The following TIGAR variants were observed in gnomAD, a reference collection of about 807,000 sequenced individuals.
The protein encoded by TIGAR is TP53 induced glycolysis regulatory phosphatase.
TIGAR carries 7 observed loss-of-function variants against 17.9 expected under a neutral mutation model. That is an observed-to-expected ratio of 0.39 (90% CI 0.22 to 0.73). The LOEUF (loss-of-function observed/expected upper bound fraction) is 0.73, where lower values mean the gene tolerates loss of function less well. TIGAR is among the 30% of genes least tolerant of loss of function. The pLI, the probability that TIGAR is intolerant of heterozygous loss-of-function variation, is 0.42. For missense variants in TIGAR, 258 were observed against 327.4 expected, an observed-to-expected ratio of 0.79 and a Z score of 1.64; for synonymous variants, 94 against 108.6, an observed-to-expected ratio of 0.87 and a Z score of 0.84.
In TIGAR at chr12:4,327,611, A is replaced by G. The variant is rs866443225; in HGVS notation, c.33-3669A>G. On this transcript the variant is annotated intron_variant, in intron 1 of 5. Transcript: ENST00000179259. The stretch of plus-strand genomic sequence containing the variant: ...TCAAATTATGTTGTAGTTTGTGTGC[A>G]TATTAAGTTAGGTGACAGCTCCCTA... Among the ~76,000 whole-genome samples, 5 of 152,178 alleles carry G rather than the reference A, an allele frequency of 3.3e-5. No individual in the cohort carries two copies. In the South Asian group the frequency reaches 8.3e-4, roughly 25 times the overall value.
chr12:4,342,133 T>C (rs531599852), intron 3 of TIGAR, among the ~76,000 whole-genome samples: 47 of 152,232 alleles, frequency 3.1e-4, no homozygotes, highest in African/African-American at 1.1e-3. Context: ...AGAAAGGGTA[T>C]CAGTGATTGA....
intron 1 of TIGAR, among the ~76,000 whole-genome samples, chr12:4,326,258 T>G (rs1175068666): frequency 1.3e-5 from 2 of 152,242 alleles, no homozygotes; most frequent in Admixed American, 1.3e-4. Flanking sequence ...CTCTGACCTT[T>G]CAGCTCCGTT....
At chr12:4,351,957 G>A (rs1019169774) in intron 5 of TIGAR, among the ~76,000 whole-genome samples, 2 of 152,196 alleles carry the variant, frequency 1.3e-5, no homozygotes, top group Non-Finnish European at 2.9e-5. Flanking sequence ...TGTTTTATGA[G>A]TTTCTGTTGG....
chr12:4,346,618 C>T (rs536801510), intron 3 of TIGAR, among the ~76,000 whole-genome samples: 9 of 150,362 alleles, frequency 6.0e-5, no homozygotes, highest in South Asian at 2.1e-4. Flanking sequence ...GATGGGGGGA[C>T]GGGGGAGGGA....
rs563068364 is a variant in TIGAR, at chr12:4,330,198, A to G, written c.33-1082A>G. Among the ~76,000 whole-genome samples the G allele has an allele frequency of 1.1e-4, 16 of 152,308 alleles. No homozygotes were observed. The South Asian group carries it at 3.1e-3, about 30-fold the overall frequency. Reference sequence around the variant, plus strand: ...TCTGAGTAAATCAGTCCTATGTGACATTTTAATTATTATAAACTAGTGCTT... The same window carrying G: ...TCTGAGTAAATCAGTCCTATGTGACGTTTTAATTATTATAAACTAGTGCTT... On this transcript the variant is annotated intron_variant, in intron 1 of 5. Transcript: ENST00000179259.
chr12:4,348,317 C>T (rs182130844), intron 3 of TIGAR, among the ~76,000 whole-genome samples: 9 of 152,072 alleles, frequency 5.9e-5, no homozygotes, highest in African/African-American at 1.9e-4. Flanking sequence ...TTGAAAGATC[C>T]AAGAAGTGTA....
chr12:4,341,472 A>T (rs1026617886), intron 3 of TIGAR, among the ~76,000 whole-genome samples: 2 of 152,164 alleles, frequency 1.3e-5, no homozygotes, highest in African/African-American at 4.8e-5. Flanking sequence ...CGAGTAGCTT[A>T]ACTGGGAGGC....
In TIGAR at chr12:4,355,114, A is replaced by G. The variant is rs534221023; in HGVS notation, c.*2423A>G. ...CCTTTATGGGGTTTTTTTGGTGTGT[A>G]TCTTTAAGAAGACTTCTCTACCATG... On this transcript the variant is annotated 3_prime_UTR_variant, in exon 6 of 6. Transcript: ENST00000179259. 6.6e-6 allele frequency among the ~76,000 whole-genome samples: 1 copy of G among 152,252 alleles called. No homozygotes were observed. The highest frequency in any genetic ancestry group is 6.5e-5 in the Admixed American group (1 of 15,284).
In TIGAR at chr12:4,352,386, T is replaced by C. The variant is rs1257797971; in HGVS notation, c.508T>C (p.Phe170Leu). 17 of 1,614,102 alleles carry C rather than the reference T, an allele frequency of 1.1e-5. No homozygotes were observed. Among genetic ancestry groups the C allele is most frequent in the Non-Finnish European group, 1.4e-5 (16 of 1,180,042 alleles). The change falls in exon 6 of 6, where the codon TTT (phenylalanine) becomes CTT (leucine). Residue 170 changes from phenylalanine to leucine, a missense_variant. Coordinates refer to ENST00000179259, the MANE Select transcript of TIGAR (RefSeq NM_020375.3). Reference sequence around the variant, plus strand: ...TCTGGAAACTTCTTTGGCAGAGATATTTCCTTTAGGAAAAAATCACAGCTC... The same window carrying C: ...TCTGGAAACTTCTTTGGCAGAGATACTTCCTTTAGGAAAAAATCACAGCTC... Reference protein sequence around the residue: ...NCLETSLAEIFPLGKNHSSKV... With the variant: ...NCLETSLAEILPLGKNHSSKV...
chr12:4,329,431 C>T (rs552785643), intron 1 of TIGAR, among the ~76,000 whole-genome samples: 3 of 147,710 alleles, frequency 2.0e-5, no homozygotes, highest in South Asian at 2.2e-4. Flanking sequence ...CTCTGCCTCC[C>T]GGGTTTAAAC....
chr12:4,330,432 C>A (rs1163154757), intron 1 of TIGAR, among the ~76,000 whole-genome samples: 1 of 152,146 alleles, frequency 6.6e-6, no homozygotes, highest in Non-Finnish European at 1.5e-5. Context: ...TATTTGCATA[C>A]CTTATGGCCC....
At chr12:4,334,791 C>T (rs1246493423) in intron 2 of TIGAR, among the ~76,000 whole-genome samples, 1 of 152,162 alleles carries the variant, frequency 6.6e-6, no homozygotes, top group Non-Finnish European at 1.5e-5. Context: ...TGGAAGATAG[C>T]ATTCTGCAGT....
intron 3 of TIGAR, among the ~76,000 whole-genome samples, chr12:4,344,677 C>G (rs563069076): frequency 8.5e-5 from 13 of 152,240 alleles, no homozygotes; most frequent in African/African-American, 1.2e-4. Flanking sequence ...ATTCAACAGC[C>G]CTTCATGCTA....
At chr12:4,331,399 G>C (rs890946310) in intron 2 of TIGAR, 82 bp downstream of exon 2, 1 of 1,299,622 alleles carries the variant, frequency 7.7e-7, no homozygotes, top group African/African-American at 1.5e-5. Flanking sequence ...GTGGGGTGGG[G>C]TAGACTGGGG....
At position 4,353,401 on chromosome 12, in the gene TIGAR, A is replaced by C. The variant is rs753074324; in HGVS notation, c.*710A>C. ...CAAGTCAATGGAAACCAGGAAAGCC[A>C]AAAAAATGAAGAATATCCACTTGCT... On this transcript the variant is annotated 3_prime_UTR_variant, in exon 6 of 6. Transcript: ENST00000179259. The C allele has an allele frequency of 1.3e-5, 2 of 152,226 alleles. No individual in the cohort carries two copies. The highest frequency in any genetic ancestry group is 4.8e-5 in the African/African-American group (2 of 41,458). 9.4% of individuals were successfully genotyped at this position (152,226 alleles called of 1,614,324 possible). A position where few individuals can be genotyped will look rare whatever the true frequency, so the allele number is the denominator to read the frequency against.
At chr12:4,328,087 T>C (rs923891376) in intron 1 of TIGAR, among the ~76,000 whole-genome samples, 5 of 152,204 alleles carry the variant, frequency 3.3e-5, no homozygotes, top group African/African-American at 1.2e-4. Flanking sequence ...AATGACAGGT[T>C]CCCCATGTTT....
At chr12:4,343,712 T>C (rs984448824) in intron 3 of TIGAR, among the ~76,000 whole-genome samples, 27 of 152,216 alleles carry the variant, frequency 1.8e-4, no homozygotes, top group Non-Finnish European at 3.5e-4. Context: ...CCAGAATCTC[T>C]GGGACACATT....
chr12:4,353,017 T>G lies in TIGAR; in HGVS notation c.*326T>G. 1 of 261,080 alleles carries G rather than the reference T, an allele frequency of 3.8e-6. No homozygotes were observed. 16.2% of individuals were successfully genotyped at this position (261,080 alleles called of 1,614,324 possible). ...CAACGGTTTCTTTTTCATTTTAGCC[T>G]ATTTTAATGGCTATTGGTAAGATAC... is the stretch of plus-strand genomic sequence containing the variant. On this transcript the variant is annotated 3_prime_UTR_variant, in exon 6 of 6. Transcript: ENST00000179259.
At chr12:4,346,433 G>T (rs533380622) in intron 3 of TIGAR, among the ~76,000 whole-genome samples, 4 of 152,250 alleles carry the variant, frequency 2.6e-5, no homozygotes, top group Non-Finnish European at 4.4e-5. Flanking sequence ...CCATAAAAAA[G>T]GATGAGTTCA....
Sources: allele counts gnomAD v4.1 joint callset (sites outside exome capture counted in the v4.1 genomes callset), GRCh38; gene constraint gnomAD v4.1.1; transcripts MANE v1.5; gene names NCBI Gene and HGNC (gene_info 2026-07-23, HGNC 2026-07-21).